Variants in MCU observed in about 807,000 individuals in gnomAD.
The protein encoded by MCU is mitochondrial calcium uniporter.
MCU carries 12 observed loss-of-function variants against 45.2 expected under a neutral mutation model. The observed-to-expected ratio is 0.27, with a 90% CI of 0.17 to 0.43. The LOEUF (loss-of-function observed/expected upper bound fraction) is 0.43. Among genes scored for constraint, MCU ranks in the 20% least tolerant of loss-of-function variants. The pLI is 1.00. For missense variants in MCU, 324 were observed against 436.7 expected, an observed-to-expected ratio of 0.74 and a Z score of 2.30; for synonymous variants, 160 against 165.1, an observed-to-expected ratio of 0.97 and a Z score of 0.24.
At chr10:72,794,514 G>T (rs905578520) in intron 1 of MCU, among the ~76,000 whole-genome samples, 1 of 152,118 alleles carries the variant, frequency 6.6e-6, no homozygotes, top group African/African-American at 2.4e-5. Context: ...TTGCTGAGTA[G>T]TTTTCTTGGC....
intron 1 of MCU, among the ~76,000 whole-genome samples, chr10:72,805,501 C>T (rs1172715903): frequency 2.0e-5 from 3 of 152,084 alleles, no homozygotes; most frequent in Non-Finnish European, 4.4e-5. Flanking sequence ...CCCACCTCAG[C>T]CTCCCAAAGT....
chr10:72,708,327 A>T (rs1842849042), intron 1 of MCU: 1 of 152,230 alleles, frequency 6.6e-6, no homozygotes, highest in Non-Finnish European at 1.5e-5. Context: ...AGAGAGTTGG[A>T]GAGTTGAGAG....
At chr10:72,799,479 A>G (rs1374644076) in intron 1 of MCU, among the ~76,000 whole-genome samples, 1 of 151,408 alleles carries the variant, frequency 6.6e-6, no homozygotes, top group Non-Finnish European at 1.5e-5. Context: ...GACAATTTCA[A>G]TATATAACAT....
intron 1 of MCU, among the ~76,000 whole-genome samples, chr10:72,786,561 C>G: frequency 6.6e-6 from 1 of 152,076 alleles, no homozygotes; most frequent in East Asian, 1.9e-4. Context: ...GACTGGTCAA[C>G]ATGGCGAAAC....
At chr10:72,799,675 T>G (rs1355601382) in intron 1 of MCU, among the ~76,000 whole-genome samples, 2 of 152,008 alleles carry the variant, frequency 1.3e-5, no homozygotes, top group Non-Finnish European at 2.9e-5. Flanking sequence ...CATTAGATAC[T>G]GCTAAATCTC....
chr10:72,805,326 G>T (rs1844431056), intron 1 of MCU, among the ~76,000 whole-genome samples: 1 of 150,304 alleles, frequency 6.7e-6, no homozygotes, highest in Non-Finnish European at 1.5e-5. Context: ...TTGGCTTACT[G>T]CAACCTCTGC....
At chr10:72,768,961 C>T (rs1843767246) in intron 1 of MCU, among the ~76,000 whole-genome samples, 1 of 152,146 alleles carries the variant, frequency 6.6e-6, no homozygotes, top group East Asian at 1.9e-4. Context: ...AGGTGATCCT[C>T]CTGCCTCAGC....
rs1162093579 is a variant in MCU at position 72,704,704 on chromosome 10, ATTTTTTTTTTT to A, written c.150+12421_150+12431del. ...AGGCATGCACTGTCATGCCTGGATA[ATTTTTTTTTTT>A]TTTTTTTTTTTTTTTTTGAGACGGA... On this transcript the variant is annotated intron_variant, in intron 1 of 7. Coordinates refer to ENST00000373053, the MANE Select transcript of MCU (RefSeq NM_138357.3). Among the ~76,000 whole-genome samples, 8 of 106,746 alleles carry A rather than the reference ATTTTTTTTTTT, an allele frequency of 7.5e-5. 1 individual carries two copies. Among genetic ancestry groups the A allele is most frequent in the East Asian group, 2.6e-4 (1 of 3,782 alleles). 70.0% of individuals were successfully genotyped at this position (106,746 alleles called of 152,430 possible). A position where few individuals can be genotyped will look rare whatever the true frequency, so the allele number is the denominator to read the frequency against.
intron 2 of MCU, among the ~76,000 whole-genome samples, chr10:72,842,197 T>C (rs1410165051): frequency 1.3e-5 from 2 of 152,200 alleles, no homozygotes; most frequent in African/African-American, 4.8e-5. Flanking sequence ...ATGTGAATTT[T>C]CTACTACTTG....
At chr10:72,820,041 G>A (rs2132814224) in intron 1 of MCU, among the ~76,000 whole-genome samples, 1 of 152,248 alleles carries the variant, frequency 6.6e-6, no homozygotes, top group Middle Eastern at 3.4e-3. Flanking sequence ...AGTGGTATAT[G>A]TCTGTTATAG....
chr10:72,853,949 C>T lies in MCU; in HGVS notation c.221-5228C>T, dbSNP rs187873668. Among the ~76,000 whole-genome samples the T allele has an allele frequency of 7.6e-4, 115 of 152,214 alleles. 1 individual carries two copies. The highest frequency in any genetic ancestry group is 3.4e-3 in the Middle Eastern group (1 of 294). On this transcript the variant is annotated intron_variant, in intron 2 of 7. Coordinates refer to ENST00000373053, the MANE Select transcript of MCU (RefSeq NM_138357.3). ...AGGAGTTCGAGAACAGCCTGGCCAA[C>T]GTGGTGAAACCCTATCTCTACTAAA...
intron 1 of MCU, among the ~76,000 whole-genome samples, chr10:72,777,469 G>T (rs369435679): frequency 6.6e-6 from 1 of 152,226 alleles, no homozygotes; most frequent in East Asian, 1.9e-4. Flanking sequence ...TCCAATAAAT[G>T]GTACTGTGAA....
rs186747309 is a variant in MCU at position 72,755,024 on chromosome 10, G to A, written c.150+62723G>A. Reference sequence around the variant, plus strand: ...TCCTGGTATCACTACCTAGTTAGCTGTGTGACCTTGATCAAGTTAGGAAGG... The same window carrying A: ...TCCTGGTATCACTACCTAGTTAGCTATGTGACCTTGATCAAGTTAGGAAGG... On this transcript the variant is annotated intron_variant, in intron 1 of 7. Coordinates refer to ENST00000373053, the MANE Select transcript of MCU (RefSeq NM_138357.3). Among the ~76,000 whole-genome samples, 4 of 152,196 alleles carry A rather than the reference G, an allele frequency of 2.6e-5. No homozygotes were observed. In the East Asian group the frequency reaches 7.7e-4, roughly 29 times the overall value.
At position 72,827,243 on chromosome 10, in the gene MCU, A is replaced by G. The variant is rs114581417; in HGVS notation, c.151-7116A>G. On this transcript the variant is annotated intron_variant, in intron 1 of 7. Coordinates refer to ENST00000373053, the MANE Select transcript of MCU (RefSeq NM_138357.3). Reference sequence around the variant, plus strand: ...GTACAAATGCTAGGTTTTATGTGACAATGAGTCCTTTAAGTAAAGATCTTT... The same window carrying G: ...GTACAAATGCTAGGTTTTATGTGACGATGAGTCCTTTAAGTAAAGATCTTT... Among the ~76,000 whole-genome samples, 874 of 152,296 alleles carry G rather than the reference A, an allele frequency of 5.7e-3. 8 individuals carry two copies. Among genetic ancestry groups the G allele is most frequent in the African/African-American group, 0.02 (821 of 41,574 alleles).
At chr10:72,884,470 A>G (rs753798770) in intron 7 of MCU, 88 bp downstream of exon 7, 1 of 745,476 alleles carries the variant, frequency 1.3e-6, no homozygotes, top group Non-Finnish European at 2.4e-6. Flanking sequence ...CAAATGAGTA[A>G]ACTGAAGGAA....
chr10:72,768,926 A>C (rs1843766837), intron 1 of MCU, among the ~76,000 whole-genome samples: 1 of 151,970 alleles, frequency 6.6e-6, no homozygotes, highest in Non-Finnish European at 1.5e-5. Context: ...ATCATAGCTC[A>C]CTGTAACTTT....
At chr10:72,837,474 G>A (rs1844971913) in intron 2 of MCU, among the ~76,000 whole-genome samples, 1 of 152,014 alleles carries the variant, frequency 6.6e-6, no homozygotes, top group South Asian at 2.1e-4. Flanking sequence ...TATAACCCCC[G>A]GTAAGTAATA....
chr10:72,816,715 T>G (rs1299525593), intron 1 of MCU, among the ~76,000 whole-genome samples: 4 of 152,108 alleles, frequency 2.6e-5, no homozygotes, highest in Non-Finnish European at 5.9e-5. Flanking sequence ...CAGGCTGCAG[T>G]GAGCTGCACT....
chr10:72,827,550 CATAAG>C lies in MCU; in HGVS notation c.151-6806_151-6802del, dbSNP rs540646081. Among the ~76,000 whole-genome samples the C allele has an allele frequency of 2.2e-4, 33 of 152,204 alleles. No homozygotes were observed. In the South Asian group the frequency reaches 6.6e-3, roughly 31 times the overall value. Reference sequence around the variant, plus strand: ...AACCTTATATTTCTACCTTTAACATCATAAGATGTTTATTTTGCATATTATCTCTG... The same window carrying C: ...AACCTTATATTTCTACCTTTAACATCATGTTTATTTTGCATATTATCTCTG... On this transcript the variant is annotated intron_variant, in intron 1 of 7. Coordinates refer to ENST00000373053, the MANE Select transcript of MCU (RefSeq NM_138357.3).
Sources: allele counts gnomAD v4.1 joint callset (sites outside exome capture counted in the v4.1 genomes callset), GRCh38; gene constraint gnomAD v4.1.1; transcripts MANE v1.5; gene names NCBI Gene and HGNC (gene_info 2026-07-23, HGNC 2026-07-21).